Variants in WWOX observed in about 807,000 individuals in gnomAD.
WWOX encodes the protein WW domain containing oxidoreductase.
A neutral mutation model predicts 46.2 loss-of-function variants in WWOX; 69 were observed. The ratio of observed to expected loss-of-function variants is 1.49; its 90% CI spans 1.23 to 1.82. WWOX has a LOEUF of 1.82. Ranked by LOEUF, WWOX falls within the 40% of genes most tolerant of loss-of-function variation. WWOX has a pLI of 0.00. For missense variants in WWOX, 919 were observed against 542.6 expected (o/e 1.69, Z -6.89); for synonymous variants, 359 against 202.6 (o/e 1.77, Z -6.56).
intron 8 of WWOX, among the ~76,000 whole-genome samples, chr16:78,873,892 G>A (rs1478173910): frequency 2.0e-5 from 3 of 152,108 alleles, no homozygotes; most frequent in South Asian, 2.1e-4. Flanking sequence ...GCAATCACAG[G>A]TCAGGTCCTA....
chr16:78,324,664 G>T (rs1004254247), intron 5 of WWOX, among the ~76,000 whole-genome samples: 4 of 151,994 alleles, frequency 2.6e-5, no homozygotes, highest in African/African-American at 9.7e-5. Flanking sequence ...TAAACATGAG[G>T]CTAAGTGAAA....
At chr16:78,871,161 T>G (rs562061884) in intron 8 of WWOX, among the ~76,000 whole-genome samples, 8 of 149,936 alleles carry the variant, frequency 5.3e-5, no homozygotes, top group Middle Eastern at 3.4e-3. Flanking sequence ...ATTCCCAACT[T>G]TCGTGAAGGT....
chr16:79,126,353 G>T (rs905178974), intron 8 of WWOX, among the ~76,000 whole-genome samples: 2 of 152,148 alleles, frequency 1.3e-5, no homozygotes, highest in Admixed American at 6.5e-5. Flanking sequence ...ATGTCATCTC[G>T]AATTGTAATC....
chr16:78,180,363 C>T (rs2035489914), intron 5 of WWOX, among the ~76,000 whole-genome samples: 1 of 151,142 alleles, frequency 6.6e-6, no homozygotes, highest in African/African-American at 2.4e-5. Flanking sequence ...ATGGGTAAAT[C>T]CAGCTGTACC....
At chr16:78,640,408 G>A (rs533482744) in intron 8 of WWOX, among the ~76,000 whole-genome samples, 1 of 152,012 alleles carries the variant, frequency 6.6e-6, no homozygotes, top group East Asian at 1.9e-4. Context: ...TTGGCAGGAA[G>A]GGCACAGGGG....
chr16:78,880,992 CT>C (rs71140838), intron 8 of WWOX, among the ~76,000 whole-genome samples: 44,929 of 112,888 alleles, frequency 0.4, 5,368 homozygotes, highest in Admixed American at 0.47. Flanking sequence ...AATTTTTTTT[CT>C]TTTTTTTTTT....
At chr16:78,587,177 C>T (rs922012529) in intron 8 of WWOX, among the ~76,000 whole-genome samples, 3 of 147,582 alleles carry the variant, frequency 2.0e-5, no homozygotes, top group African/African-American at 7.9e-5. Context: ...AAGCAGATGC[C>T]ACCATGCCTG....
chr16:79,136,919 C>T (rs896777893), intron 8 of WWOX, among the ~76,000 whole-genome samples: 7 of 152,160 alleles, frequency 4.6e-5, no homozygotes, highest in Non-Finnish European at 1.0e-4. Context: ...GGCAGTAGAT[C>T]AATCAATTAC....
At chr16:78,612,795 T>C (rs2045931545) in intron 8 of WWOX, among the ~76,000 whole-genome samples, 2 of 152,182 alleles carry the variant, frequency 1.3e-5, no homozygotes, top group African/African-American at 4.8e-5. Flanking sequence ...TTTTTTCACC[T>C]ACAAAATGAA....
At chr16:78,444,428 A>C (rs2083512578) in intron 8 of WWOX, among the ~76,000 whole-genome samples, 1 of 152,188 alleles carries the variant, frequency 6.6e-6, no homozygotes, top group South Asian at 2.1e-4. Flanking sequence ...ATTGTATTTC[A>C]TAAATTTTGG....
At chr16:79,202,372 C>T (rs886095718) in intron 8 of WWOX, among the ~76,000 whole-genome samples, 7 of 152,046 alleles carry the variant, frequency 4.6e-5, no homozygotes, top group South Asian at 2.1e-4. Context: ...ATAAGGCACA[C>T]GGTAAAGGAA....
At chr16:78,649,037 G>C (rs1191936801) in intron 8 of WWOX, among the ~76,000 whole-genome samples, 1 of 152,136 alleles carries the variant, frequency 6.6e-6, no homozygotes, top group East Asian at 1.9e-4. Flanking sequence ...GCAGCAGTGT[G>C]ATCTTGGCTC....
At chr16:78,958,456 A>T (rs75426144) in intron 8 of WWOX, among the ~76,000 whole-genome samples, 1 of 152,198 alleles carries the variant, frequency 6.6e-6, no homozygotes, top group African/African-American at 2.4e-5. Context: ...AGTACTCTCT[A>T]TGGAGAGGTT....
chr16:78,655,873 T>C (rs933291635), intron 8 of WWOX, among the ~76,000 whole-genome samples: 9 of 152,204 alleles, frequency 5.9e-5, no homozygotes, highest in Non-Finnish European at 8.8e-5. Flanking sequence ...GGGCTGTCTG[T>C]GTGTGTTCCT....
At chr16:78,791,803 C>T (rs565167911) in intron 8 of WWOX, among the ~76,000 whole-genome samples, 2 of 152,100 alleles carry the variant, frequency 1.3e-5, no homozygotes, top group South Asian at 2.1e-4. Context: ...TCACTTGAAC[C>T]GGAGAGGCAG....
intron 8 of WWOX, among the ~76,000 whole-genome samples, chr16:78,983,277 T>C (rs1207492057): frequency 2.0e-5 from 3 of 152,314 alleles, no homozygotes; most frequent in Non-Finnish European, 4.4e-5. Flanking sequence ...AGGAAGTGTC[T>C]GGCCAAGAAG....
chr16:78,283,180 G>A (rs2151855784), intron 5 of WWOX, among the ~76,000 whole-genome samples: 1 of 152,262 alleles, frequency 6.6e-6, no homozygotes, highest in South Asian at 2.1e-4. Context: ...CTGGGTTGAG[G>A]AGGCAACATG....
intron 8 of WWOX, among the ~76,000 whole-genome samples, chr16:79,120,332 TACCCTA>T (rs2049603367): frequency 6.6e-6 from 1 of 152,184 alleles, no homozygotes; most frequent in Non-Finnish European, 1.5e-5. Flanking sequence ...CAGGCGCATT[TACCCTA>T]CAGAGCTGAA....
At chr16:78,505,985 C>T (rs542255381) in intron 8 of WWOX, among the ~76,000 whole-genome samples, 1,740 of 152,288 alleles carry the variant, frequency 0.011, 33 homozygotes, top group Middle Eastern at 0.041. Context: ...GAGAAATGAT[C>T]CGGCAAGAAG....
Sources: allele counts gnomAD v4.1 joint callset (sites outside exome capture counted in the v4.1 genomes callset), GRCh38; gene constraint gnomAD v4.1.1; transcripts MANE v1.5; gene names NCBI Gene and HGNC (gene_info 2026-07-23, HGNC 2026-07-21).